The following IQCE variants were observed in gnomAD, a reference collection of about 807,000 sequenced individuals.
The protein encoded by IQCE is IQ domain-containing protein E.
In IQCE, 115 loss-of-function variants were observed where a neutral mutation model predicts 96.0. That is an observed-to-expected ratio of 1.20 (90% CI 1.03 to 1.40). IQCE has a LOEUF of 1.40. Among genes scored for constraint, IQCE ranks in the 40% most tolerant of loss-of-function variants. The probability of loss-of-function intolerance (pLI) is 0.00; values close to 1 mark genes in which losing one functional copy is unlikely to be tolerated. For synonymous variants in IQCE, 412 were observed against 371.2 expected, an observed-to-expected ratio of 1.11 and a Z score of -1.26; for missense variants, 1,041 against 909.1, an observed-to-expected ratio of 1.15 and a Z score of -1.87.
At chr7:2,589,087 G>A (rs971757023) in intron 13 of IQCE, among the ~76,000 whole-genome samples, 12 of 152,276 alleles carry the variant, frequency 7.9e-5, no homozygotes, top group African/African-American at 2.9e-4. Flanking sequence ...TAGAAAACTA[G>A]CCAGGTACAA....
intron 14 of IQCE, among the ~76,000 whole-genome samples, chr7:2,590,480 A>G (rs1783503002): frequency 1.3e-5 from 2 of 152,254 alleles, no homozygotes; most frequent in South Asian, 4.1e-4. Flanking sequence ...ATAAAAAGAT[A>G]CTGGCCGGGC....
At chr7:2,578,161 G>T (rs934599582) in intron 6 of IQCE, 81 bp from the exon 7 acceptor site, 1 of 1,055,314 alleles carries the variant, frequency 9.5e-7, no homozygotes, top group Non-Finnish European at 1.4e-6. Context: ...TGGCGTGTGC[G>T]TGGCTGTGTG....
rs1783240461 is a variant in IQCE at position 2,587,815 on chromosome 7, C to A, written c.989-7C>A. The A allele has an allele frequency of 3.1e-6, 5 of 1,613,910 alleles. No individual in the cohort carries two copies. The highest frequency in any genetic ancestry group is 4.2e-6 in the Non-Finnish European group (5 of 1,179,924). On this transcript the variant is annotated splice_polypyrimidine_tract_variant and splice_region_variant and intron_variant, in intron 12 of 21. Transcript: ENST00000402050. ...ATGCCGTTTTGAAACCGCATTGCTT[C>A]CATCAGGTTATGTGGAGTGGAGCAA...
At chr7:2,571,248 G>A (rs758225912) in intron 3 of IQCE, among the ~76,000 whole-genome samples, 1 of 152,086 alleles carries the variant, frequency 6.6e-6, no homozygotes, top group Non-Finnish European at 1.5e-5. Context: ...TGAATTCCTG[G>A]CCTCAAGCGA....
intron 18 of IQCE, chr7:2,601,886 G>A (rs1784459396): frequency 5.2e-6 from 1 of 191,678 alleles, no homozygotes; most frequent in African/African-American, 2.4e-5. Flanking sequence ...AGACCCCAAC[G>A]TTAAGTATAA....
At chr7:2,571,077 G>A (rs1018610345) in intron 3 of IQCE, among the ~76,000 whole-genome samples, 6 of 152,064 alleles carry the variant, frequency 3.9e-5, no homozygotes, top group African/African-American at 1.4e-4. Flanking sequence ...GAATGCAGTG[G>A]CATGATCATA....
At chr7:2,608,576 A>T (rs961346097) in intron 21 of IQCE, among the ~76,000 whole-genome samples, 5 of 152,196 alleles carry the variant, frequency 3.3e-5, no homozygotes, top group African/African-American at 1.2e-4. Flanking sequence ...CAGACACGCA[A>T]AGCGGTCGGG....
intron 2 of IQCE, among the ~76,000 whole-genome samples, chr7:2,568,296 A>G (rs1034617117): frequency 2.0e-5 from 3 of 152,228 alleles, no homozygotes; most frequent in Admixed American, 6.5e-5. Context: ...ATGAAACATA[A>G]ATGAATTTTG....
intron 17 of IQCE, among the ~76,000 whole-genome samples, chr7:2,599,897 G>A (rs1259219390): frequency 1.3e-5 from 2 of 151,370 alleles, no homozygotes; most frequent in African/African-American, 4.9e-5. Flanking sequence ...AGGTTCAAGC[G>A]ATTCTCCTGC....
chr7:2,605,663 A>AATAG (rs1278017117), intron 19 of IQCE, among the ~76,000 whole-genome samples: 33 of 151,498 alleles, frequency 2.2e-4, no homozygotes, highest in South Asian at 4.2e-4. Flanking sequence ...TAAATAAATA[A>AATAG]ATAGATAAAT....
intron 2 of IQCE, 91 bp downstream of exon 2, chr7:2,567,254 C>A: frequency 2.0e-6 from 2 of 978,324 alleles, no homozygotes; most frequent in African/African-American, 1.6e-5. Flanking sequence ...GGCCGTTCTC[C>A]ACAATACTGT....
At chr7:2,579,644 C>T (rs545462711) in intron 8 of IQCE, among the ~76,000 whole-genome samples, 1 of 152,048 alleles carries the variant, frequency 6.6e-6, no homozygotes, top group South Asian at 2.1e-4. Flanking sequence ...TAACAAATGC[C>T]TGTAAGTAGT....
intron 1 of IQCE, among the ~76,000 whole-genome samples, chr7:2,562,624 A>T (rs1781050453): frequency 1.4e-5 from 2 of 143,096 alleles, no homozygotes; most frequent in South Asian, 2.2e-4. Context: ...TATTTTGGTA[A>T]TTTCGTGTCT....
intron 17 of IQCE, among the ~76,000 whole-genome samples, chr7:2,600,258 C>T (rs1008190772): frequency 9.9e-5 from 15 of 152,180 alleles, no homozygotes; most frequent in African/African-American, 2.2e-4. Context: ...CTGATTCACC[C>T]GGGTTTGCTT....
At chr7:2,570,838 TA>T (rs1362518164) in intron 3 of IQCE, among the ~76,000 whole-genome samples, 2 of 152,230 alleles carry the variant, frequency 1.3e-5, no homozygotes, top group Non-Finnish European at 2.9e-5. Context: ...TATTAAGTTC[TA>T]AATATTGCTC....
chr7:2,612,460 G>T lies in IQCE; in HGVS notation c.*2298G>T, dbSNP rs1361189552. 6.6e-6 allele frequency: 1 copy of T among 152,388 alleles called. No homozygotes were observed. The highest frequency in any genetic ancestry group is 1.9e-4 in the East Asian group (1 of 5,174). 9.4% of individuals were successfully genotyped at this position (152,388 alleles called of 1,614,324 possible). ...AGAGGCCTCCTTGCCCACGGCCCCA[G>T]GGCCTGGGGGCCAGGGGTTCTGGCC... On this transcript the variant is annotated 3_prime_UTR_variant, in exon 22 of 22. Transcript: ENST00000402050.
intron 14 of IQCE, among the ~76,000 whole-genome samples, chr7:2,590,883 C>G (rs536699386): frequency 7.2e-5 from 11 of 152,074 alleles, no homozygotes; most frequent in African/African-American, 2.7e-4. Flanking sequence ...AAAATCAATT[C>G]GATTTTATGC....
rs1375956843 is a variant in IQCE, at chr7:2,611,427, A to C, written c.*1265A>C. ...CAATGGTTAGAAAGCCCCTTTTTAC[A>C]CAGCTGACAGCTTCTCCCAAGGCTT... On this transcript the variant is annotated 3_prime_UTR_variant, in exon 22 of 22. Coordinates refer to ENST00000402050, the MANE Select transcript of IQCE (RefSeq NM_152558.5). 1 of 152,212 alleles carries C rather than the reference A, an allele frequency of 6.6e-6. No homozygotes were observed. Among genetic ancestry groups the C allele is most frequent in the Admixed American group, 6.5e-5 (1 of 15,286 alleles). 9.4% of individuals were successfully genotyped at this position (152,212 alleles called of 1,614,324 possible).
rs571776083 is a variant in IQCE at position 2,604,502 on chromosome 7, A to G, written c.1633-379A>G. ...CCCTTGCTTGATTTAGAAGACATCT[A>G]TGGAAAGTAGATGAAACCAATAAAC... On this transcript the variant is annotated intron_variant, in intron 18 of 21. Transcript: ENST00000402050. Among the ~76,000 whole-genome samples the G allele has an allele frequency of 1.4e-4, 22 of 152,370 alleles. No individual in the cohort carries two copies. The South Asian group carries it at 1.9e-3, about 13-fold the overall frequency.
Sources: gnomAD v4.1 joint callset for allele counts (sites outside exome capture counted in the v4.1 genomes callset) on GRCh38, gnomAD v4.1.1 for gene constraint, MANE v1.5 for transcripts, NCBI Gene and HGNC (gene_info 2026-07-23, HGNC 2026-07-21) for gene names.